FGF9: variants seen among roughly 807,000 people sequenced by gnomAD.
FGF9 encodes fibroblast growth factor 9.
Under a neutral mutation model 19.9 loss-of-function variants are expected in FGF9, and 3 were observed. The ratio of observed to expected loss-of-function variants is 0.15; its 90% CI spans 0.07 to 0.39. The LOEUF (loss-of-function observed/expected upper bound fraction) is 0.39, where lower values mean the gene tolerates loss of function less well. Ranked by LOEUF, FGF9 falls within the 10% of genes least tolerant of loss-of-function variation. The pLI is 1.00. For missense variants in FGF9, 175 were observed against 256.8 expected (o/e 0.68, Z 2.18); for synonymous variants, 107 against 106.9 (o/e 1.00, Z -0.01).
rs933042274 is a variant in FGF9 at position 21,702,948 on chromosome 13, T to A, written c.*1513T>A. 10 of 152,240 alleles carry A rather than the reference T, an allele frequency of 6.6e-5. No homozygotes were observed. Among genetic ancestry groups the A allele is most frequent in the African/African-American group, 2.4e-4 (10 of 41,474 alleles). The allele number at this position is 152,240 out of a possible 1,614,324, so 9.4% of individuals were successfully genotyped here. A position where few individuals can be genotyped will look rare whatever the true frequency, so the allele number is the denominator to read the frequency against. The stretch of plus-strand genomic sequence containing the variant: ...GGGGATATTACTATATAGAATATCT[T>A]TTACAAGGCTTTTATAACATTTTAT... On this transcript the variant is annotated 3_prime_UTR_variant, in exon 3 of 3. Coordinates refer to ENST00000382353, the MANE Select transcript of FGF9 (RefSeq NM_002010.3).
chr13:21,701,402 T>G lies in FGF9; in HGVS notation c.594T>G (p.Pro198=). 1 of 1,613,986 alleles carries G rather than the reference T, an allele frequency of 6.2e-7. No individual in the cohort carries two copies. The highest frequency in any genetic ancestry group is 8.5e-7 in the Non-Finnish European group (1 of 1,179,944). The change falls in exon 3 of 3, where the codon CCT becomes CCG. Residue 198 remains proline (P), a synonymous_variant. Coordinates refer to ENST00000382353, the MANE Select transcript of FGF9 (RefSeq NM_002010.3). ...LPRPVDPDKV[P]ELYKDILSQS is the part of the protein sequence containing the mutation. ...GACCAGTGGACCCCGACAAAGTACC[T>G]GAACTGTATAAGGATATTCTAAGCC...
chr13:21,693,096 T>C (rs1172780123), intron 2 of FGF9, among the ~76,000 whole-genome samples: 1 of 152,238 alleles, frequency 6.6e-6, no homozygotes, highest in Non-Finnish European at 1.5e-5. Context: ...CATGCCAGCA[T>C]ATTCATTTGG....
intron 2 of FGF9, among the ~76,000 whole-genome samples, chr13:21,686,485 T>C (rs1050367378): frequency 1.3e-5 from 2 of 152,184 alleles, no homozygotes; most frequent in African/African-American, 4.8e-5. Flanking sequence ...GTACTAACAT[T>C]GTAAGGATGT....
Position 21,700,628 on chromosome 13 carries a change from T to C in FGF9, c.382-562T>C, listed in dbSNP as rs998052188. Among the ~76,000 whole-genome samples the C allele has an allele frequency of 2.0e-5, 3 of 152,228 alleles. No individual in the cohort carries two copies. The East Asian group carries it at 5.8e-4, about 29-fold the overall frequency. ...TCTGCAGCAGGTACTTTATAAAATA[T>C]ATACTGGTGTTAAAGCTGTTATATC... On this transcript the variant is annotated intron_variant, in intron 2 of 2. Coordinates refer to ENST00000382353, the MANE Select transcript of FGF9 (RefSeq NM_002010.3).
Position 21,704,003 on chromosome 13 carries a change from T to G in FGF9, c.*2568T>G, listed in dbSNP as rs1007901015. The G allele has an allele frequency of 6.6e-6, 1 of 152,084 alleles. No individual in the cohort carries two copies. 9.4% of individuals were successfully genotyped at this position (152,084 alleles called of 1,614,324 possible). A position where few individuals can be genotyped will look rare whatever the true frequency, so the allele number is the denominator to read the frequency against. ...ATGCGATTTATGTAAATAGTGGAAC[T>G]GGGAGAGTGGATGGCTCAGGGTTTC... On this transcript the variant is annotated 3_prime_UTR_variant, in exon 3 of 3. Transcript: ENST00000382353.
intron 2 of FGF9, among the ~76,000 whole-genome samples, chr13:21,696,547 C>CAT (rs10647054): frequency 0.91 from 137,782 of 151,936 alleles, 62,668 homozygotes; most frequent in East Asian, 1. Context: ...GCATTAGAAA[C>CAT]GTGGTGGGTT....
At chr13:21,689,367 C>T (rs1872235154) in intron 2 of FGF9, among the ~76,000 whole-genome samples, 1 of 152,138 alleles carries the variant, frequency 6.6e-6, no homozygotes, top group African/African-American at 2.4e-5. Context: ...CCTGCCAGTG[C>T]TTAAAACCGA....
intron 1 of FGF9, among the ~76,000 whole-genome samples, chr13:21,675,478 G>T (rs1187127555): frequency 6.6e-6 from 1 of 151,966 alleles, no homozygotes; most frequent in African/African-American, 2.4e-5. Context: ...GGGGAGGGCG[G>T]AGGGAGGGCA....
At chr13:21,673,028 GA>G (rs1871806184) in intron 1 of FGF9, among the ~76,000 whole-genome samples, 1 of 152,204 alleles carries the variant, frequency 6.6e-6, no homozygotes, top group South Asian at 2.1e-4. Flanking sequence ...CTGCAGACTC[GA>G]GGGCTGGTGG....
chr13:21,675,549 C>T (rs943888502), intron 1 of FGF9, among the ~76,000 whole-genome samples: 4 of 152,002 alleles, frequency 2.6e-5, no homozygotes, highest in African/African-American at 9.7e-5. Flanking sequence ...CTGGCGCTCC[C>T]GCGCGCCGCC....
chr13:21,680,720 T>C (rs1462331950), intron 1 of FGF9, among the ~76,000 whole-genome samples: 1 of 152,250 alleles, frequency 6.6e-6, no homozygotes, highest in African/African-American at 2.4e-5. Context: ...GTTAATTAGA[T>C]TATGTACACA....
chr13:21,682,471 T>C (rs1385901439), intron 2 of FGF9, among the ~76,000 whole-genome samples: 1 of 152,142 alleles, frequency 6.6e-6, no homozygotes, highest in East Asian at 1.9e-4. Flanking sequence ...CTTGTAAAAA[T>C]ATGTATATAT....
chr13:21,690,154 T>C (rs1202871176), intron 2 of FGF9, among the ~76,000 whole-genome samples: 4 of 152,124 alleles, frequency 2.6e-5, no homozygotes, highest in Admixed American at 2.6e-4. Context: ...AATTGGAAGC[T>C]CTCTGTAATC....
chr13:21,701,487 T>G lies in FGF9; in HGVS notation c.*52T>G. The stretch of plus-strand genomic sequence containing the variant: ...TTAAAAAAGTAACCACTATAAAGGT[T>G]TCACGCGGTGGGTTCTTATTGATTC... On this transcript the variant is annotated 3_prime_UTR_variant, in exon 3 of 3. Coordinates refer to ENST00000382353, the MANE Select transcript of FGF9 (RefSeq NM_002010.3). 1 of 1,613,192 alleles carries G rather than the reference T, an allele frequency of 6.2e-7. No homozygotes were observed. Among genetic ancestry groups the G allele is most frequent in the Non-Finnish European group, 8.5e-7 (1 of 1,179,464 alleles).
chr13:21,687,341 C>T (rs1478596114), intron 2 of FGF9, among the ~76,000 whole-genome samples: 1 of 152,158 alleles, frequency 6.6e-6, no homozygotes, highest in African/African-American at 2.4e-5. Flanking sequence ...CCTTAAAATC[C>T]TATATCGACT....
intron 2 of FGF9, among the ~76,000 whole-genome samples, chr13:21,692,251 C>G (rs1222881436): frequency 2.0e-5 from 3 of 152,320 alleles, no homozygotes; most frequent in East Asian, 3.9e-4. Flanking sequence ...TCCTTTCTTT[C>G]TCCCTCCCCA....
Position 21,693,359 on chromosome 13 carries a change from C to A in FGF9, c.382-7831C>A, listed in dbSNP as rs532562469. On this transcript the variant is annotated intron_variant, in intron 2 of 2. Transcript: ENST00000382353. Reference sequence around the variant, plus strand: ...TCCCTTGCATTCTTGCTTAGGACTTCTCTGTGGGTATTGGGTGGACATGGG... The same window carrying A: ...TCCCTTGCATTCTTGCTTAGGACTTATCTGTGGGTATTGGGTGGACATGGG... Among the ~76,000 whole-genome samples the A allele has an allele frequency of 5.9e-5, 9 of 152,100 alleles. No individual in the cohort carries two copies. In the East Asian group the frequency reaches 1.7e-3, roughly 29 times the overall value.
intron 2 of FGF9, among the ~76,000 whole-genome samples, chr13:21,700,111 A>G (rs929175253): frequency 1.3e-5 from 2 of 151,884 alleles, no homozygotes; most frequent in Non-Finnish European, 2.9e-5. Context: ...GTGGGGTTCA[A>G]CTGAACCCCA....
At chr13:21,692,446 C>A (rs547377753) in intron 2 of FGF9, among the ~76,000 whole-genome samples, 1 of 152,256 alleles carries the variant, frequency 6.6e-6, no homozygotes, top group Non-Finnish European at 1.5e-5. Flanking sequence ...GCATGCTGAC[C>A]AGTTGCAACT....
Sources: gnomAD v4.1 joint callset for allele counts (sites outside exome capture counted in the v4.1 genomes callset) on GRCh38, gnomAD v4.1.1 for gene constraint, MANE v1.5 for transcripts, NCBI Gene and HGNC (gene_info 2026-07-23, HGNC 2026-07-21) for gene names.